Variants in SNX1 observed in about 807,000 individuals in gnomAD.
SNX1 encodes the protein sorting nexin 1, also known as sorting nexin-1.
SNX1 carries 36 observed loss-of-function variants against 71.8 expected under a neutral mutation model. The ratio of observed to expected loss-of-function variants is 0.50; its 90% CI spans 0.38 to 0.66. SNX1 has a LOEUF of 0.66. Ranked by LOEUF, SNX1 falls within the 30% of genes least tolerant of loss-of-function variation. The probability of loss-of-function intolerance (pLI) is 0.00; values close to 1 mark genes in which losing one functional copy is unlikely to be tolerated. For missense variants in SNX1, 612 were observed against 646.7 expected (o/e 0.95, Z 0.58); for synonymous variants, 254 against 240.7 (o/e 1.06, Z -0.51).
chr15:64,106,119 A>T (rs2081019092), intron 1 of SNX1, among the ~76,000 whole-genome samples: 2 of 152,220 alleles, frequency 1.3e-5, no homozygotes, highest in South Asian at 4.1e-4. Context: ...CCATAATCTC[A>T]TATAAAAATA....
intron 1 of SNX1, among the ~76,000 whole-genome samples, chr15:64,104,608 G>A (rs908669508): frequency 1.5e-4 from 23 of 151,908 alleles, no homozygotes; most frequent in African/African-American, 5.6e-4. Flanking sequence ...TAATAGGCCG[G>A]GCACTGTGGC....
intron 2 of SNX1, among the ~76,000 whole-genome samples, chr15:64,113,592 G>A (rs577717094): frequency 6.6e-6 from 1 of 152,264 alleles, no homozygotes; most frequent in South Asian, 2.1e-4. Context: ...GGCCAAGGTG[G>A]GTGGATCACT....
At position 64,118,145 on chromosome 15, in the gene SNX1, C is replaced by A. The variant is rs1466389480; in HGVS notation, c.300C>A (p.Ser100Arg). The change falls in exon 3 of 15, where the codon AGC (serine) becomes AGA (arginine). Residue 100 changes from serine to arginine, a missense_variant. Ser to Arg is a moderately radical substitution (Grantham distance 110, BLOSUM62 -1). Around this residue, in one of 2 missense-constraint regions of SNX1, gnomAD observed 316 missense variants for 284.9 expected, o/e 1.11. Transcript: ENST00000559844. ...ADATVELSLD[S>R]TQNNQKKVLA... is the part of the protein sequence containing the mutation. Reference sequence around the variant, plus strand: ...CCACAGTGGAGCTATCCTTGGACAGCACACAAAATAATCAGAAGAAGGTGC... The same window carrying A: ...CCACAGTGGAGCTATCCTTGGACAGAACACAAAATAATCAGAAGAAGGTGC... The A allele has an allele frequency of 1.9e-6, 3 of 1,611,928 alleles. No individual in the cohort carries two copies. Among genetic ancestry groups the A allele is most frequent in the Admixed American group, 3.4e-5 (2 of 59,060 alleles).
intron 1 of SNX1, among the ~76,000 whole-genome samples, chr15:64,099,183 C>G (rs1329537846): frequency 2.0e-5 from 3 of 152,146 alleles, no homozygotes; most frequent in Admixed American, 2.0e-4. Context: ...AATCTAGGCT[C>G]TATGGCTGGC....
In SNX1 at chr15:64,137,776, T is replaced by G; in HGVS notation, c.*158T>G. ...AACTGTCCCCAGTTACTCTAACCGT[T>G]ATTTCATTTAGCTTCCATATATATT... is the stretch of plus-strand genomic sequence containing the variant. On this transcript the variant is annotated 3_prime_UTR_variant, in exon 15 of 15. Coordinates refer to ENST00000559844, the MANE Select transcript of SNX1 (RefSeq NM_003099.5). 1 of 1,446,976 alleles carries G rather than the reference T, an allele frequency of 6.9e-7. No individual in the cohort carries two copies. The highest frequency in any genetic ancestry group is 1.8e-4 in the Middle Eastern group (1 of 5,520). 89.6% of individuals were successfully genotyped at this position (1,446,976 alleles called of 1,614,324 possible).
intron 4 of SNX1, among the ~76,000 whole-genome samples, chr15:64,121,531 G>A (rs2081196912): frequency 6.6e-6 from 1 of 152,182 alleles, no homozygotes; most frequent in African/African-American, 2.4e-5. Context: ...ACACCAACCT[G>A]AGTGGAGTAG....
At position 64,127,729 on chromosome 15, in the gene SNX1, A is replaced by G. The variant is rs2081268328; in HGVS notation, c.732-2A>G. ...ACCAGATGATAACTGCTTACCTTTT[A>G]GGTACCTTCAGAGGATTGTAAATCA... On this transcript the variant is annotated splice_acceptor_variant, in intron 7 of 14. Transcript: ENST00000559844. LOFTEE classifies it high-confidence loss of function. 2 of 1,612,878 alleles carry G rather than the reference A, an allele frequency of 1.2e-6. No individual in the cohort carries two copies.
Position 64,129,698 on chromosome 15 carries a change from A to G in SNX1, c.808-218A>G, listed in dbSNP as rs905284394. ...CTACTTTTTTTCTGTATAAAATATCAAAAGCTGAAAATGTTGCTGATTCTT... is the reference window on the plus strand; with the variant it reads ...CTACTTTTTTTCTGTATAAAATATCGAAAGCTGAAAATGTTGCTGATTCTT... On this transcript the variant is annotated intron_variant, in intron 8 of 14. Coordinates refer to ENST00000559844, the MANE Select transcript of SNX1 (RefSeq NM_003099.5). The surrounding 1 kb of genome is among the most constrained non-coding windows in gnomAD (Gnocchi z 4.4). Among the ~76,000 whole-genome samples the G allele has an allele frequency of 1.3e-5, 2 of 152,202 alleles. No individual in the cohort carries two copies. Among genetic ancestry groups the G allele is most frequent in the Non-Finnish European group, 2.9e-5 (2 of 68,036 alleles).
At position 64,138,030 on chromosome 15, in the gene SNX1, G is replaced by A; in HGVS notation, c.*412G>A. The A allele has an allele frequency of 2.6e-6, 4 of 1,512,912 alleles. No individual in the cohort carries two copies. The highest frequency in any genetic ancestry group is 3.5e-6 in the Non-Finnish European group (4 of 1,139,354). The allele number at this position is 1,512,912 out of a possible 1,614,324, so 93.7% of individuals were successfully genotyped here. ...GGTCACATGACTCAGAATGTTGGTG[G>A]TTTTTGCTTAGGCTGGGGAGCAGTT... On this transcript the variant is annotated 3_prime_UTR_variant, in exon 15 of 15. Transcript: ENST00000559844.
At chr15:64,102,784 T>TTTTC (rs2080977827) in intron 1 of SNX1, among the ~76,000 whole-genome samples, 1 of 148,822 alleles carries the variant, frequency 6.7e-6, no homozygotes, top group Non-Finnish European at 1.5e-5. Context: ...TTTTTTTTTT[T>TTTTC]TTGACACAGG....
intron 2 of SNX1, among the ~76,000 whole-genome samples, chr15:64,115,334 T>A (rs561165987): frequency 6.6e-6 from 1 of 152,294 alleles, no homozygotes; most frequent in South Asian, 2.1e-4. Context: ...GACACTTAGT[T>A]TAGGACTTCA....
chr15:64,109,043 G>A (rs554013999), intron 1 of SNX1, among the ~76,000 whole-genome samples: 36 of 151,038 alleles, frequency 2.4e-4, no homozygotes, highest in Middle Eastern at 3.5e-3. Context: ...TACAATATGC[G>A]AGAGAAAGGG....
chr15:64,133,115 A>G (rs1372744447), intron 11 of SNX1, among the ~76,000 whole-genome samples: 1 of 152,166 alleles, frequency 6.6e-6, no homozygotes, highest in Non-Finnish European at 1.5e-5. Context: ...ATGGCACATA[A>G]TTGCGAATGG....
intron 12 of SNX1, chr15:64,135,065 G>T: frequency 2.2e-6 from 1 of 451,800 alleles, no homozygotes; most frequent in Non-Finnish European, 3.9e-6. Flanking sequence ...TGTAATCCTA[G>T]CACTTTGGGA....
rs531341669 is a variant in SNX1 at position 64,144,113 on chromosome 15, C to G, written c.*6495C>G. 1.4e-4 allele frequency: 22 copies of G among 152,250 alleles called. No individual in the cohort carries two copies. Among genetic ancestry groups the G allele is most frequent in the African/African-American group, 4.8e-4 (20 of 41,536 alleles). 9.4% of individuals were successfully genotyped at this position (152,250 alleles called of 1,614,324 possible). On this transcript the variant is annotated 3_prime_UTR_variant, in exon 15 of 15. Transcript: ENST00000559844. This position sits in a 1 kb window ranked among gnomAD's most constrained non-coding sequence, Gnocchi z 4.3. ...GAATTGTTAATAACTATGGTCACCTCTAGAGATGGAAGTTTGCATTACCTT... is the reference window on the plus strand; with the variant it reads ...GAATTGTTAATAACTATGGTCACCTGTAGAGATGGAAGTTTGCATTACCTT...
intron 2 of SNX1, among the ~76,000 whole-genome samples, chr15:64,117,442 G>T (rs2081141703): frequency 6.6e-6 from 1 of 152,084 alleles, no homozygotes. Context: ...ATTTTTAGTA[G>T]AGACGGGGTT....
In SNX1 at chr15:64,141,728, T is replaced by C. The variant is rs1409733590; in HGVS notation, c.*4110T>C. ...GGAGGCGCTTTCCACATTACCATTG[T>C]CGCTTCGTGATCTGGACACACCAGA... On this transcript the variant is annotated 3_prime_UTR_variant, in exon 15 of 15. Transcript: ENST00000559844. This position sits in a 1 kb window ranked among gnomAD's most constrained non-coding sequence, Gnocchi z 5.1. The C allele has an allele frequency of 6.6e-6, 1 of 152,326 alleles. No homozygotes were observed. Among genetic ancestry groups the C allele is most frequent in the Non-Finnish European group, 1.5e-5 (1 of 68,142 alleles). The allele number at this position is 152,326 out of a possible 1,614,324, so 9.4% of individuals were successfully genotyped here. A position where few individuals can be genotyped will look rare whatever the true frequency, so the allele number is the denominator to read the frequency against.
intron 11 of SNX1, among the ~76,000 whole-genome samples, chr15:64,133,324 A>C (rs1232994112): frequency 6.6e-6 from 1 of 152,236 alleles, no homozygotes; most frequent in Non-Finnish European, 1.5e-5. Context: ...TTGAGGTGTT[A>C]AGATGCTGCA....
Position 64,134,896 on chromosome 15 carries a change from C to G in SNX1, c.1365+89C>G. On this transcript the variant is annotated intron_variant, in intron 12 of 14. Transcript: ENST00000559844. This position sits in a 1 kb window ranked among gnomAD's most constrained non-coding sequence, Gnocchi z 4.1. ...TCCCACCCAGAGGTTTGGAACCCCA[C>G]AGGGGGAAGAGCGCTGATTGAGTCT... 6.6e-7 allele frequency: 1 copy of G among 1,522,492 alleles called. No individual in the cohort carries two copies. Among genetic ancestry groups the G allele is most frequent in the Non-Finnish European group, 8.9e-7 (1 of 1,124,406 alleles). 94.3% of individuals were successfully genotyped at this position (1,522,492 alleles called of 1,614,324 possible).
Sources: allele counts gnomAD v4.1 joint callset (sites outside exome capture counted in the v4.1 genomes callset), GRCh38; gene constraint gnomAD v4.1.1; regional missense constraint gnomAD v4.1.1; non-coding constraint Gnocchi (gnomAD v3.1); transcripts MANE v1.5; gene names NCBI Gene and HGNC (gene_info 2026-07-23, HGNC 2026-07-21).